The following CAMKMT variants were observed in gnomAD, a reference collection of about 807,000 sequenced individuals.
The protein encoded by CAMKMT is calmodulin-lysine N-methyltransferase.
In CAMKMT, 53 loss-of-function variants were observed where a neutral mutation model predicts 48.0. That is an observed-to-expected ratio of 1.10 (90% CI 0.89 to 1.39). CAMKMT has a LOEUF of 1.39. Ranked by LOEUF, CAMKMT falls within the 40% of genes most tolerant of loss-of-function variation. The pLI, the probability that CAMKMT is intolerant of heterozygous loss-of-function variation, is 0.00. For synonymous variants in CAMKMT, 165 were observed against 152.3 expected (o/e 1.08, Z -0.61); for missense variants, 428 against 402.7 (o/e 1.06, Z -0.54).
intron 8 of CAMKMT, among the ~76,000 whole-genome samples, chr2:44,751,570 C>T (rs1680155933): frequency 6.6e-6 from 1 of 152,146 alleles, no homozygotes. Flanking sequence ...TGAGTATTAA[C>T]TGTTTTGTTA....
intron 3 of CAMKMT, among the ~76,000 whole-genome samples, chr2:44,557,302 C>A (rs1239937496): frequency 6.7e-6 from 1 of 148,798 alleles, no homozygotes; most frequent in African/African-American, 2.5e-5. Flanking sequence ...TTTTTTTTTT[C>A]CTATTTAAAA....
At chr2:44,377,146 A>G (rs928238650) in intron 2 of CAMKMT, among the ~76,000 whole-genome samples, 1 of 152,086 alleles carries the variant, frequency 6.6e-6, no homozygotes, top group African/African-American at 2.4e-5. Context: ...GGCTAGGACT[A>G]CAGTTACATG....
chr2:44,653,374 A>G lies in CAMKMT; in HGVS notation c.377-50909A>G, dbSNP rs1055863567. Among the ~76,000 whole-genome samples, 1 of 152,202 alleles carries G rather than the reference A, an allele frequency of 6.6e-6. No homozygotes were observed. Among genetic ancestry groups the G allele is most frequent in the Non-Finnish European group, 1.5e-5 (1 of 68,034 alleles). On this transcript the variant is annotated intron_variant, in intron 3 of 10. Coordinates refer to ENST00000378494, the MANE Select transcript of CAMKMT (RefSeq NM_024766.5). The surrounding 1 kb of genome is among the most constrained non-coding windows in gnomAD (Gnocchi z 5.2). ...CAGAGGAGAAGTAAGCTGAAGTGCC[A>G]TTTGCTGTAAAAATCAACCAAAAGA...
chr2:44,443,453 A>T (rs755026868), intron 3 of CAMKMT, among the ~76,000 whole-genome samples: 1 of 152,184 alleles, frequency 6.6e-6, no homozygotes, highest in African/African-American at 2.4e-5. Flanking sequence ...TGGGGTATGT[A>T]AATCAGGAAT....
intron 3 of CAMKMT, among the ~76,000 whole-genome samples, chr2:44,671,230 C>A (rs1002749736): frequency 6.6e-6 from 1 of 152,110 alleles, no homozygotes; most frequent in Non-Finnish European, 1.5e-5. Flanking sequence ...ATCCTACCCC[C>A]TTTTTTCCTT....
intron 3 of CAMKMT, among the ~76,000 whole-genome samples, chr2:44,446,766 G>T (rs756375902): frequency 1.3e-5 from 2 of 152,182 alleles, no homozygotes; most frequent in Admixed American, 6.5e-5. Flanking sequence ...GTCAAAGCAG[G>T]CATCTCAGTC....
Position 44,527,701 on chromosome 2 carries a change from T to G in CAMKMT, c.376+137396T>G, listed in dbSNP as rs1572720456. 2.0e-5 allele frequency among the ~76,000 whole-genome samples: 3 copies of G among 151,866 alleles called. No homozygotes were observed. In the South Asian group the frequency reaches 6.2e-4, roughly 32 times the overall value. Reference sequence around the variant, plus strand: ...TTTTTTTCTTTTTAAAATACTTCATTTTTTAGAACAGTGTTAGGTTCACAG... The same window carrying G: ...TTTTTTTCTTTTTAAAATACTTCATGTTTTAGAACAGTGTTAGGTTCACAG... On this transcript the variant is annotated intron_variant, in intron 3 of 10. Coordinates refer to ENST00000378494, the MANE Select transcript of CAMKMT (RefSeq NM_024766.5).
At chr2:44,559,055 C>A (rs1258886662) in intron 3 of CAMKMT, among the ~76,000 whole-genome samples, 1 of 152,068 alleles carries the variant, frequency 6.6e-6, no homozygotes, top group Non-Finnish European at 1.5e-5. Context: ...TATCATCTAT[C>A]TAGAATCCAA....
At chr2:44,661,508 G>A (rs1674678727) in intron 3 of CAMKMT, among the ~76,000 whole-genome samples, 1 of 151,836 alleles carries the variant, frequency 6.6e-6, no homozygotes, top group African/African-American at 2.4e-5. Flanking sequence ...TAGAGAAAGG[G>A]TTTCACCATG....
chr2:44,426,450 G>T (rs1684281513), intron 3 of CAMKMT, among the ~76,000 whole-genome samples: 1 of 152,168 alleles, frequency 6.6e-6, no homozygotes, highest in African/African-American at 2.4e-5. Context: ...TGAAGATTCT[G>T]CTCAAAGACT....
intron 3 of CAMKMT, among the ~76,000 whole-genome samples, chr2:44,597,921 G>A (rs1670761492): frequency 6.6e-6 from 1 of 152,048 alleles, no homozygotes; most frequent in African/African-American, 2.4e-5. Context: ...GTTTTTAGTA[G>A]AGACGGGGTT....
At chr2:44,452,912 C>G (rs113209183) in intron 3 of CAMKMT, among the ~76,000 whole-genome samples, 2 of 152,040 alleles carry the variant, frequency 1.3e-5, no homozygotes, top group South Asian at 4.1e-4. Context: ...AAGAATGGTT[C>G]GGCTGCAGGT....
intron 9 of CAMKMT, among the ~76,000 whole-genome samples, chr2:44,756,608 G>A (rs62134161): frequency 0.085 from 12,997 of 152,040 alleles, 657 homozygotes; most frequent in South Asian, 0.15. Flanking sequence ...CAGGCGTGGT[G>A]GCGGGCGCCT....
chr2:44,676,487 C>T (rs1675695332), intron 3 of CAMKMT: 1 of 152,270 alleles, frequency 6.6e-6, no homozygotes, highest in South Asian at 2.1e-4. Context: ...GTCATCTGGA[C>T]CCTAAACCTC....
At chr2:44,680,327 G>A (rs1219421459) in intron 3 of CAMKMT, among the ~76,000 whole-genome samples, 2 of 152,120 alleles carry the variant, frequency 1.3e-5, no homozygotes, top group Non-Finnish European at 2.9e-5. Context: ...AGTGTGCTCA[G>A]CAAAATGAGA....
intron 6 of CAMKMT, among the ~76,000 whole-genome samples, chr2:44,709,463 AT>A (rs989569590): frequency 2.0e-5 from 3 of 151,872 alleles, no homozygotes; most frequent in Non-Finnish European, 2.9e-5. Flanking sequence ...ACCAGATCTA[AT>A]TTTTTTTAAT....
At chr2:44,460,766 G>A (rs906650137) in intron 3 of CAMKMT, among the ~76,000 whole-genome samples, 5 of 146,674 alleles carry the variant, frequency 3.4e-5, no homozygotes, top group African/African-American at 1.3e-4. Flanking sequence ...TGTCACCCAG[G>A]CTGGAGTGTG....
At chr2:44,584,733 G>C (rs1439526831) in intron 3 of CAMKMT, among the ~76,000 whole-genome samples, 1 of 152,064 alleles carries the variant, frequency 6.6e-6, no homozygotes, top group African/African-American at 2.4e-5. Flanking sequence ...CCTAAAGTGG[G>C]AAATTGGGTG....
chr2:44,771,418 A>G (rs1262973830), intron 10 of CAMKMT, among the ~76,000 whole-genome samples: 7 of 152,206 alleles, frequency 4.6e-5, no homozygotes, highest in African/African-American at 1.7e-4. Context: ...GGATTTTAAA[A>G]TCTTATCACA....
Sources: gnomAD v4.1 joint callset for allele counts (sites outside exome capture counted in the v4.1 genomes callset) on GRCh38, gnomAD v4.1.1 for gene constraint, Gnocchi (gnomAD v3.1) non-coding constraint, MANE v1.5 for transcripts, NCBI Gene and HGNC (gene_info 2026-07-23, HGNC 2026-07-21) for gene names.